Variants in TOP2B observed in about 807,000 individuals in gnomAD.
The protein encoded by TOP2B is DNA topoisomerase II beta.
Under a neutral mutation model 193.5 loss-of-function variants are expected in TOP2B, and 51 were observed. That is an observed-to-expected ratio of 0.26 (90% confidence interval 0.21 to 0.33). The LOEUF is 0.33. TOP2B is among the 10% of genes least tolerant of loss of function. The probability of loss-of-function intolerance (pLI) is 1.00; values close to 1 mark genes in which losing one functional copy is unlikely to be tolerated. For missense variants in TOP2B, 1,378 were observed against 1,909.3 expected (o/e 0.72, Z 5.19); for synonymous variants, 634 against 635.7 (o/e 1.00, Z 0.04).
chr3:25,614,238 T>A (rs1702449907), intron 27 of TOP2B, among the ~76,000 whole-genome samples: 1 of 152,152 alleles, frequency 6.6e-6, no homozygotes, highest in South Asian at 2.1e-4. Context: ...TGTACAGGCA[T>A]AACCACAAAA....
Position 25,628,883 on chromosome 3 carries a change from C to T in TOP2B, c.1870G>A (p.Glu624Lys), listed in dbSNP as rs1702879956. ...PEFDEWKKHI[E>K]NQKAWKIKYY... ...TTTATTTTCCAGGCTTTCTGGTTTT[C>T]TATATGTTTTTTCCATTCGTCAAAT... The change falls in exon 15 of 36, where the codon GAA (glutamate) becomes AAA (lysine). Residue 624 changes from glutamate to lysine, a missense_variant. Glu to Lys is a moderately conservative substitution (Grantham distance 56). This residue lies in a region of TOP2B where 379 missense variants were observed against 615.1 expected (regional missense o/e 0.62). Coordinates refer to ENST00000264331, the MANE Select transcript of TOP2B (RefSeq NM_001330700.2). 6.3e-7 allele frequency: 1 copy of T among 1,592,208 alleles called. No individual in the cohort carries two copies. The highest frequency in any genetic ancestry group is 8.5e-7 in the Non-Finnish European group (1 of 1,172,644).
chr3:25,645,347 G>T lies in TOP2B; in HGVS notation c.193C>A (p.Leu65Ile), dbSNP rs200396829. The T allele has an allele frequency of 3.0e-5, 48 of 1,612,504 alleles. No individual in the cohort carries two copies. In the Admixed American group the frequency reaches 5.8e-4, roughly 20 times the overall value. ...CCAATATATGTATCAGGACGAAGAA[G>T]AATGTGTTCAAGTTGTGTCTTCTTC... ...YQKKTQLEHI[L>I]LRPDTYIGSV... The change falls in exon 2 of 36, where the codon CTT becomes ATT. Residue 65 changes from leucine to isoleucine, a missense_variant. This residue lies in a region of TOP2B where 35 missense variants were observed against 85.8 expected (regional missense o/e 0.41). Coordinates refer to ENST00000264331, the MANE Select transcript of TOP2B (RefSeq NM_001330700.2).
At chr3:25,639,553 G>A (rs561416474) in intron 4 of TOP2B, among the ~76,000 whole-genome samples, 12 of 152,276 alleles carry the variant, frequency 7.9e-5, no homozygotes, top group South Asian at 2.1e-4. Flanking sequence ...TAATCCACCC[G>A]CCTTGGCCTC....
intron 4 of TOP2B, among the ~76,000 whole-genome samples, chr3:25,638,954 ATAAT>A (rs1199875689): frequency 6.6e-6 from 1 of 152,212 alleles, no homozygotes; most frequent in Non-Finnish European, 1.5e-5. Flanking sequence ...AGTTTCAAAA[ATAAT>A]TAGGCTGAAA....
chr3:25,635,081 C>T (rs554134843), intron 7 of TOP2B, among the ~76,000 whole-genome samples: 1 of 152,222 alleles, frequency 6.6e-6, no homozygotes, highest in East Asian at 1.9e-4. Context: ...GGAAGAGCTG[C>T]AAGAGACAGA....
chr3:25,605,020 CT>C (rs759733256), intron 32 of TOP2B, 150 bp from the exon 33 acceptor site: 19 of 598,380 alleles, frequency 3.2e-5, no homozygotes, highest in Non-Finnish European at 5.5e-5. Flanking sequence ...ATACAAACAG[CT>C]AAAAATAAAA....
Position 25,632,602 on chromosome 3 carries a change from A to T in TOP2B, c.1129-19T>A. On this transcript the variant is annotated intron_variant, in intron 9 of 35. Transcript: ENST00000264331. Reference sequence around the variant, plus strand: ...TTTTTACCTGTTGAAAACATACCCAAAAAAGTCAATATCAGAGCTGATATT... The same window carrying T: ...TTTTTACCTGTTGAAAACATACCCATAAAAGTCAATATCAGAGCTGATATT... 15 of 1,600,244 alleles carry T rather than the reference A, an allele frequency of 9.4e-6. No individual in the cohort carries two copies. Among genetic ancestry groups the T allele is most frequent in the Non-Finnish European group, 1.2e-5 (14 of 1,176,336 alleles).
chr3:25,607,303 T>A lies in TOP2B; in HGVS notation c.4166A>T (p.Asn1389Ile). ...AACTTTCAATTCCTCTAAATCATTA[T>A]TGTCATCATCATCATCATCAGCATC... Reference protein sequence around the residue: ...DDDADDDDDDNNDLEELKVKA... With the variant: ...DDDADDDDDDINDLEELKVKA... The change falls in exon 31 of 36, where the codon AAT (asparagine) becomes ATT (isoleucine). Residue 1389 changes from asparagine (N) to isoleucine (I), a missense_variant. Around this residue, in one of 9 missense-constraint regions of TOP2B, gnomAD observed 556 missense variants for 584.2 expected, o/e 0.95. Transcript: ENST00000264331. 6.4e-7 allele frequency: 1 copy of A among 1,557,246 alleles called. No individual in the cohort carries two copies. Among genetic ancestry groups the A allele is most frequent in the Non-Finnish European group, 8.7e-7 (1 of 1,149,294 alleles).
At chr3:25,614,750 ATC>A (rs1386024694) in intron 27 of TOP2B, among the ~76,000 whole-genome samples, 1 of 152,042 alleles carries the variant, frequency 6.6e-6, no homozygotes, top group African/African-American at 2.4e-5. Context: ...TGCTTTTTAT[ATC>A]TCTACATTTT....
intron 4 of TOP2B, among the ~76,000 whole-genome samples, chr3:25,640,255 A>G (rs1703219330): frequency 6.6e-6 from 1 of 152,194 alleles, no homozygotes; most frequent in African/African-American, 2.4e-5. Flanking sequence ...ACAATATACA[A>G]ATCAGCAACT....
intron 27 of TOP2B, 73 bp from the exon 28 acceptor site, chr3:25,612,782 C>T: frequency 1.7e-6 from 2 of 1,144,646 alleles, no homozygotes; most frequent in African/African-American, 3.1e-5. Flanking sequence ...TCATAAAATA[C>T]TGAAACAAAT....
At chr3:25,614,463 T>C (rs909456573) in intron 27 of TOP2B, among the ~76,000 whole-genome samples, 1 of 152,060 alleles carries the variant, frequency 6.6e-6, no homozygotes, top group Non-Finnish European at 1.5e-5. Context: ...ATTGCAGCAC[T>C]TGAAAGATCG....
Position 25,618,808 on chromosome 3 carries a change from A to G in TOP2B, c.3105T>C (p.Thr1035=). 1 of 1,609,204 alleles carries G rather than the reference A, an allele frequency of 6.2e-7. No homozygotes were observed. Among genetic ancestry groups the G allele is most frequent in the African/African-American group, 1.3e-5 (1 of 74,968 alleles). Residue 1035 remains threonine, a synonymous_variant, in exon 24 of 36, where the codon ACT becomes ACC. Coordinates refer to ENST00000264331, the MANE Select transcript of TOP2B (RefSeq NM_001330700.2). ...DHMGCLKKYE[T]VQDILKEFFD... is the part of the protein sequence containing the mutation. ...AGAATTCTTTCAGAATGTCTTGCAC[A>G]GTTTCATATTTCTTCAGACATCCCA...
In TOP2B at chr3:25,618,542, A is replaced by G. The variant is rs1346428273; in HGVS notation, c.3260-33T>C. On this transcript the variant is annotated intron_variant, in intron 24 of 35. Transcript: ENST00000264331. ...AGGGAAAAATAAAGTTAGGATCAAG[A>G]TAAGAGATTCAATTTGTATTTGCTT... is the stretch of plus-strand genomic sequence containing the variant. 4 of 1,573,082 alleles carry G rather than the reference A, an allele frequency of 2.5e-6. No homozygotes were observed. In the Admixed American group the frequency reaches 5.4e-5, roughly 21 times the overall value.
In TOP2B at chr3:25,636,022, T is replaced by A. The variant is rs759718578; in HGVS notation, c.766A>T (p.Ile256Phe). 6.2e-7 allele frequency: 1 copy of A among 1,613,444 alleles called. No homozygotes were observed. The highest frequency in any genetic ancestry group is 8.5e-7 in the Non-Finnish European group (1 of 1,179,518). Residue 256 changes from isoleucine to phenylalanine, a missense_variant, in exon 7 of 36, where the codon ATT (isoleucine) becomes TTT (phenylalanine). By Grantham distance (21) the Ile-to-Phe change is conservative. Transcript: ENST00000264331. ...KFKMEKLDKDIVALMTRRAYD... is the reference protein window; with the variant it reads ...KFKMEKLDKDFVALMTRRAYD... ...GCCCTTCTAGTCATGAGGGCCACAA[T>A]ATCCTTGTCAAGTTTTTCCATCTTA...
rs373737261 is a variant in TOP2B, at chr3:25,630,405, A to G, written c.1470T>C (p.Ala490=). ...LTEGDSAKSL[A]VSGLGVIGRD... is the part of the protein sequence containing the mutation. ...GTCCAATCACACCTAATCCAGACAC[A>G]GCCAGTGATTTGGCAGAGTCTCCCT... Residue 490 remains alanine (A), a synonymous_variant, in exon 12 of 36, where the codon GCT becomes GCC. Coordinates refer to ENST00000264331, the MANE Select transcript of TOP2B (RefSeq NM_001330700.2). 5 of 1,552,436 alleles carry G rather than the reference A, an allele frequency of 3.2e-6. No homozygotes were observed. In the African/African-American group the frequency reaches 5.5e-5, roughly 17 times the overall value.
chr3:25,619,883 A>C lies in TOP2B; in HGVS notation c.3042T>G (p.Thr1014=). 6.2e-7 allele frequency: 1 copy of C among 1,609,294 alleles called. No homozygotes were observed. The change falls in exon 23 of 36, where the codon ACT becomes ACG. Residue 1014 remains threonine (T), a synonymous_variant. Coordinates refer to ENST00000264331, the MANE Select transcript of TOP2B (RefSeq NM_001330700.2). ...TTACCATGGAATTACAAGTAAGAGT[A>C]GTTTGAAGTTTAAAAACTTTATGCA... ...AGLHKVFKLQ[T]TLTCNSMVLF... is the part of the protein sequence containing the mutation.
intron 21 of TOP2B, among the ~76,000 whole-genome samples, chr3:25,622,788 C>T (rs1479829439): frequency 2.0e-5 from 3 of 152,004 alleles, no homozygotes; most frequent in African/African-American, 7.2e-5. Flanking sequence ...TTACAGGTGC[C>T]CTCCAGCACA....
intron 12 of TOP2B, 45 bp downstream of exon 12, chr3:25,630,267 T>G (rs780214702): frequency 1.3e-6 from 2 of 1,531,046 alleles, no homozygotes; most frequent in Middle Eastern, 1.7e-4. Flanking sequence ...GTCATATGTA[T>G]GTGTGCATGT....
Sources: gnomAD v4.1 joint callset for allele counts (sites outside exome capture counted in the v4.1 genomes callset) on GRCh38, gnomAD v4.1.1 for gene constraint, gnomAD v4.1.1 regional missense constraint, MANE v1.5 for transcripts, NCBI Gene and HGNC (gene_info 2026-07-23, HGNC 2026-07-21) for gene names.